Variants in ROCK2 observed in about 807,000 individuals in gnomAD.
ROCK2 encodes the protein rho-associated protein kinase 2.
ROCK2 carries 61 observed loss-of-function variants against 195.1 expected under a neutral mutation model. That is an observed-to-expected ratio of 0.31 (90% confidence interval 0.25 to 0.39). ROCK2 has a LOEUF of 0.39. Ranked by LOEUF, ROCK2 falls within the 10% of genes least tolerant of loss-of-function variation. ROCK2 has a pLI of 1.00. For missense variants in ROCK2, 1,109 were observed against 1,637.4 expected (o/e 0.68, Z 5.57); for synonymous variants, 504 against 545.5 (o/e 0.92, Z 1.06).
intron 3 of ROCK2, among the ~76,000 whole-genome samples, chr2:11,276,799 A>T (rs896758486): frequency 3.1e-4 from 47 of 152,170 alleles, no homozygotes; most frequent in African/African-American, 1.1e-3. Context: ...GTGTATGTAT[A>T]CATATATATG....
At chr2:11,306,051 T>G (rs1667849183) in intron 1 of ROCK2, among the ~76,000 whole-genome samples, 1 of 152,174 alleles carries the variant, frequency 6.6e-6, no homozygotes, top group Non-Finnish European at 1.5e-5. Flanking sequence ...GGGGAACTGT[T>G]CCAGATTGAA....
At chr2:11,268,011 C>T (rs1271201590) in intron 3 of ROCK2, among the ~76,000 whole-genome samples, 1 of 151,960 alleles carries the variant, frequency 6.6e-6, no homozygotes, top group African/African-American at 2.4e-5. Flanking sequence ...TTGGAAATCA[C>T]CATCCATCCT....
chr2:11,203,004 C>T (rs796539733), intron 20 of ROCK2, among the ~76,000 whole-genome samples: 11 of 152,208 alleles, frequency 7.2e-5, no homozygotes, highest in African/African-American at 2.6e-4. Context: ...GAAGTGCTGG[C>T]TTTAGATCTA....
chr2:11,201,918 T>A lies in ROCK2; in HGVS notation c.2619+134A>T, dbSNP rs1368637402. 26 of 643,292 alleles carry A rather than the reference T, an allele frequency of 4.0e-5. No individual in the cohort carries two copies. The East Asian group carries it at 6.8e-4, about 17-fold the overall frequency. The allele number at this position is 643,292 out of a possible 1,614,324, so 39.8% of individuals were successfully genotyped here. A position where few individuals can be genotyped will look rare whatever the true frequency, so the allele number is the denominator to read the frequency against. The stretch of plus-strand genomic sequence containing the variant: ...GTGCTTAGAATTATTTTTCTAGCAA[T>A]GATAATAAATTTCTCTTAAACTATC... On this transcript the variant is annotated intron_variant, in intron 21 of 32. Transcript: ENST00000315872. The surrounding 1 kb of genome is among the most constrained non-coding windows in gnomAD (Gnocchi z 4.6).
At chr2:11,234,852 G>T (rs1363231248) in intron 5 of ROCK2, among the ~76,000 whole-genome samples, 1 of 152,036 alleles carries the variant, frequency 6.6e-6, no homozygotes, top group African/African-American at 2.4e-5. Context: ...CATACAGGTG[G>T]CATGAACAAG....
At chr2:11,198,162 A>G (rs1663709598) in intron 25 of ROCK2, among the ~76,000 whole-genome samples, 1 of 152,260 alleles carries the variant, frequency 6.6e-6, no homozygotes, top group South Asian at 2.1e-4. Flanking sequence ...GTTGGCAGAG[A>G]GTGAACTAAC....
Position 11,214,895 on chromosome 2 carries a change from T to C in ROCK2, c.1881A>G (p.Leu627=), listed in dbSNP as rs946143046. Residue 627 remains leucine, a synonymous_variant, in exon 16 of 33, where the codon CTA becomes CTG. Transcript: ENST00000315872. ...GGGTTCGATCCCTCCTTTCAGATTCTAGAGCTGACTGAAGATTGATAAATT... is the reference window on the plus strand; with the variant it reads ...GGGTTCGATCCCTCCTTTCAGATTCCAGAGCTGACTGAAGATTGATAAATT... ...EKEFINLQSA[L]ESERRDRTHG... 5.6e-6 allele frequency: 9 copies of C among 1,613,712 alleles called. No homozygotes were observed. Among genetic ancestry groups the C allele is most frequent in the Non-Finnish European group, 7.6e-6 (9 of 1,179,854 alleles).
intron 1 of ROCK2, among the ~76,000 whole-genome samples, chr2:11,311,879 T>C (rs1363361376): frequency 1.3e-5 from 2 of 152,192 alleles, no homozygotes; most frequent in South Asian, 2.1e-4. Flanking sequence ...AACAGAGAAC[T>C]TGAAGAATAT....
intron 1 of ROCK2, among the ~76,000 whole-genome samples, chr2:11,336,819 T>C (rs1335090065): frequency 1.3e-5 from 2 of 152,110 alleles, no homozygotes; most frequent in Non-Finnish European, 2.9e-5. Flanking sequence ...TTAAAATGTA[T>C]CCTAGACCTA....
intron 20 of ROCK2, among the ~76,000 whole-genome samples, chr2:11,204,501 T>C (rs1287331579): frequency 6.6e-6 from 1 of 152,188 alleles, no homozygotes; most frequent in Non-Finnish European, 1.5e-5. Flanking sequence ...TTCTTCTCTA[T>C]TATTTCTTTA....
Position 11,208,407 on chromosome 2 carries a change from C to A in ROCK2, c.2244G>T (p.Gln748His). The change falls in exon 19 of 33, where the codon CAG becomes CAT. Residue 748 changes from glutamine (Q) to histidine (H), a missense_variant. Transcript: ENST00000315872. The stretch of plus-strand genomic sequence containing the variant: ...CTTCTAGCAATAGGTTCTCCACTTT[C>A]TGTTTTAAAGTTCTTTCCTCCAAGA... ...KKLLEERTLK[Q>H]KVENLLLEAE... The A allele has an allele frequency of 6.5e-7, 1 of 1,546,106 alleles. No individual in the cohort carries two copies.
At chr2:11,262,547 G>T (rs1666265096) in intron 3 of ROCK2, among the ~76,000 whole-genome samples, 1 of 152,122 alleles carries the variant, frequency 6.6e-6, no homozygotes, top group Admixed American at 6.5e-5. Context: ...CTGTTCTCAT[G>T]ATAGTAAGTA....
intron 15 of ROCK2, 91 bp from the exon 16 acceptor site, chr2:11,215,177 T>C: frequency 6.6e-7 from 1 of 1,521,566 alleles, no homozygotes; most frequent in Non-Finnish European, 8.8e-7. Flanking sequence ...AGAAACTATT[T>C]AAAATAAACA....
intron 7 of ROCK2, among the ~76,000 whole-genome samples, chr2:11,223,042 C>T (rs1005036187): frequency 6.6e-6 from 1 of 152,100 alleles, no homozygotes; most frequent in Non-Finnish European, 1.5e-5. Context: ...CTGCTCAGTG[C>T]CCACATCAAA....
At chr2:11,204,800 T>C (rs898723824) in intron 20 of ROCK2, among the ~76,000 whole-genome samples, 2 of 152,228 alleles carry the variant, frequency 1.3e-5, no homozygotes, top group Non-Finnish European at 2.9e-5. Context: ...TGATCAATAC[T>C]AATTACCAGT....
At chr2:11,245,617 T>C (rs1665585977) in intron 4 of ROCK2, among the ~76,000 whole-genome samples, 1 of 152,130 alleles carries the variant, frequency 6.6e-6, no homozygotes, top group Admixed American at 6.5e-5. Flanking sequence ...CACACATGTA[T>C]AAAAGACAGA....
rs1572435781 is a variant in ROCK2 at position 11,344,023 on chromosome 2, G to C, written c.114C>G (p.Arg38=). 6 of 1,590,390 alleles carry C rather than the reference G, an allele frequency of 3.8e-6. No homozygotes were observed. The highest frequency in any genetic ancestry group is 5.1e-6 in the Non-Finnish European group (6 of 1,169,582). The part of the protein sequence containing the change: ...RKLEALIRDP[R]SPINVESLLD... ...GCAAGCTCTCCACGTTGATGGGGGA[G>C]CGAGGGTCTCGGATCAGCGCCTCCA... Residue 38 remains arginine (R), a synonymous_variant, in exon 1 of 33, where the codon CGC becomes CGG. Coordinates refer to ENST00000315872, the MANE Select transcript of ROCK2 (RefSeq NM_004850.5). This position sits in a 1 kb window ranked among gnomAD's most constrained non-coding sequence, Gnocchi z 5.4.
chr2:11,255,928 C>CA (rs57678031), intron 3 of ROCK2, among the ~76,000 whole-genome samples: 1,946 of 33,078 alleles, frequency 0.059, 463 homozygotes, highest in African/African-American at 0.16. Context: ...GACTCCATCT[C>CA]AAAAAAAAAA....
intron 18 of ROCK2, among the ~76,000 whole-genome samples, chr2:11,209,830 A>G (rs954837195): frequency 1.3e-5 from 2 of 152,238 alleles, no homozygotes; most frequent in Non-Finnish European, 2.9e-5. Context: ...AATGGTCTTC[A>G]AAAGTGCAGA....
Sources: allele counts gnomAD v4.1 joint callset (sites outside exome capture counted in the v4.1 genomes callset), GRCh38; gene constraint gnomAD v4.1.1; non-coding constraint Gnocchi (gnomAD v3.1); transcripts MANE v1.5; gene names NCBI Gene and HGNC (gene_info 2026-07-23, HGNC 2026-07-21).